PCDHGA7: variants seen among roughly 807,000 people sequenced by gnomAD.
PCDHGA7 encodes the protein protocadherin gamma subfamily A, 7.
Under a neutral mutation model 58.3 loss-of-function variants are expected in PCDHGA7, and 44 were observed. The ratio of observed to expected loss-of-function variants is 0.75; its 90% CI spans 0.59 to 0.97. The LOEUF (loss-of-function observed/expected upper bound fraction) is 0.97, where lower values mean the gene tolerates loss of function less well. PCDHGA7 is among the 50% of genes least tolerant of loss of function. The pLI is 0.00. For missense variants in PCDHGA7, 1,266 were observed against 1,188.7 expected, an observed-to-expected ratio of 1.06 and a Z score of -0.96; for synonymous variants, 516 against 504.2, an observed-to-expected ratio of 1.02 and a Z score of -0.31.
chr5:141,493,289 C>T lies in PCDHGA7; in HGVS notation c.2425-1518C>T, dbSNP rs925045650. 2.6e-5 allele frequency among the ~76,000 whole-genome samples: 4 copies of T among 152,176 alleles called. No individual in the cohort carries two copies. Among genetic ancestry groups the T allele is most frequent in the Non-Finnish European group, 5.9e-5 (4 of 68,030 alleles). On this transcript the variant is annotated intron_variant, in intron 1 of 3. Coordinates refer to ENST00000518325, the MANE Select transcript of PCDHGA7 (RefSeq NM_018920.4). The surrounding 1 kb of genome is among the most constrained non-coding windows in gnomAD (Gnocchi z 4.3). ...CTTCACAGAGGTCAAGTGACTTGCT[C>T]AAGTTCACAGAGCAAGTAAGAGAGA...
chr5:141,458,292 T>C (rs2098941901), intron 1 of PCDHGA7, among the ~76,000 whole-genome samples: 1 of 152,146 alleles, frequency 6.6e-6, no homozygotes, highest in Admixed American at 6.5e-5. Flanking sequence ...GTCCTCATGC[T>C]GGTTTAGATA....
chr5:141,430,997 C>T, intron 1 of PCDHGA7: 1 of 1,613,926 alleles, frequency 6.2e-7, no homozygotes, highest in Non-Finnish European at 8.5e-7. Context: ...CCTGAATCCG[C>T]GCAGCGGCAG....
intron 1 of PCDHGA7, among the ~76,000 whole-genome samples, chr5:141,458,102 A>G (rs1314999618): frequency 6.6e-6 from 1 of 152,246 alleles, no homozygotes; most frequent in Admixed American, 6.5e-5. Context: ...GTACTTACAG[A>G]TAGTCTCCAA....
Position 141,487,171 on chromosome 5 carries a change from G to C in PCDHGA7, c.2425-7636G>C. ...CTGTTACTCTCTTAGTGTCCTTAGA[G>C]GAAGACACTCATCCAGTTGTCCCAG... On this transcript the variant is annotated intron_variant, in intron 1 of 3. Transcript: ENST00000518325. The surrounding 1 kb of genome is among the most constrained non-coding windows in gnomAD (Gnocchi z 5.0). 1 of 1,612,938 alleles carries C rather than the reference G, an allele frequency of 6.2e-7. No individual in the cohort carries two copies. Among genetic ancestry groups the C allele is most frequent in the Non-Finnish European group, 8.5e-7 (1 of 1,178,910 alleles).
chr5:141,418,282 A>T (rs1209026046), intron 1 of PCDHGA7: 2 of 1,614,030 alleles, frequency 1.2e-6, no homozygotes, highest in Non-Finnish European at 1.7e-6. Flanking sequence ...TAAACTTAGA[A>T]ATCAGTGAAT....
chr5:141,471,630 G>T (rs2099261496), intron 1 of PCDHGA7: 1 of 152,108 alleles, frequency 6.6e-6, no homozygotes, highest in African/African-American at 2.4e-5. Context: ...GCATTGGTAT[G>T]GATTAGTAAT....
chr5:141,461,255 G>A (rs1466460215), intron 1 of PCDHGA7, among the ~76,000 whole-genome samples: 1 of 152,098 alleles, frequency 6.6e-6, no homozygotes. Flanking sequence ...ATTCCCAGCA[G>A]CAATGTGTAA....
At chr5:141,475,957 G>A (rs776101269) in intron 1 of PCDHGA7, 148 of 812,416 alleles carry the variant, frequency 1.8e-4, no homozygotes, top group Non-Finnish European at 2.6e-4. Flanking sequence ...CTGCGCCCCG[G>A]GATGAGGCAG....
In PCDHGA7 at chr5:141,414,114, T is replaced by C. The variant is rs145910780; in HGVS notation, c.2424+28791T>C. The C allele has an allele frequency of 2.0e-5, 32 of 1,592,348 alleles. 2 individuals carry two copies. In the East Asian group the frequency reaches 6.3e-4, roughly 32 times the overall value. ...TAAAAATATCAGAAAATCTAGATTA[T>C]GAAGAAACCGGTTTCTATGAAATAG... On this transcript the variant is annotated intron_variant, in intron 1 of 3. Coordinates refer to ENST00000518325, the MANE Select transcript of PCDHGA7 (RefSeq NM_018920.4).
At chr5:141,481,070 A>G (rs2099531062) in intron 1 of PCDHGA7, among the ~76,000 whole-genome samples, 1 of 152,144 alleles carries the variant, frequency 6.6e-6, no homozygotes, top group South Asian at 2.1e-4. Context: ...AAACAAAAAG[A>G]AAGAAAGAAA....
Position 141,490,345 on chromosome 5 carries a change from G to C in PCDHGA7, c.2425-4462G>C, listed in dbSNP as rs2099698831. On this transcript the variant is annotated intron_variant, in intron 1 of 3. Coordinates refer to ENST00000518325, the MANE Select transcript of PCDHGA7 (RefSeq NM_018920.4). This position sits in a 1 kb window ranked among gnomAD's most constrained non-coding sequence, Gnocchi z 5.4. ...AGAGAGCACACCAGTGGGCACAGTA[G>C]TGGGGTTGTTTAATGTGCGAGACCG... is the stretch of plus-strand genomic sequence containing the variant. 1 of 1,614,216 alleles carries C rather than the reference G, an allele frequency of 6.2e-7. No homozygotes were observed. Among genetic ancestry groups the C allele is most frequent in the Non-Finnish European group, 8.5e-7 (1 of 1,180,034 alleles).
chr5:141,495,973 A>C (rs2099764953), intron 2 of PCDHGA7, among the ~76,000 whole-genome samples: 1 of 146,988 alleles, frequency 6.8e-6, no homozygotes, highest in African/African-American at 2.5e-5. Context: ...TTTCTCTGTT[A>C]CTCTTTCTTT....
At chr5:141,409,201 AATC>A (rs1377420843) in intron 1 of PCDHGA7, 1 of 1,614,044 alleles carries the variant, frequency 6.2e-7, no homozygotes, top group Non-Finnish European at 8.5e-7. Context: ...AGTGTAAAGT[AATC>A]ATAGAAATCC....
At chr5:141,411,955 A>G (rs1427605209) in intron 1 of PCDHGA7, 2 of 152,244 alleles carry the variant, frequency 1.3e-5, no homozygotes, top group Admixed American at 6.5e-5. Context: ...TTTGAAGAAA[A>G]AAGATAAAAT....
At chr5:141,419,808 G>A in intron 1 of PCDHGA7, 2 of 1,614,066 alleles carry the variant, frequency 1.2e-6, no homozygotes, top group Non-Finnish European at 8.5e-7. Flanking sequence ...AGAGATGGAG[G>A]ACAGCCACCC....
intron 1 of PCDHGA7, chr5:141,392,933 C>A: frequency 6.2e-7 from 1 of 1,613,930 alleles, no homozygotes; most frequent in Non-Finnish European, 8.5e-7. Flanking sequence ...AAGAGACGGA[C>A]AAAGGCTCCT....
chr5:141,459,506 A>G (rs1156362858), intron 1 of PCDHGA7, among the ~76,000 whole-genome samples: 1 of 152,236 alleles, frequency 6.6e-6, no homozygotes, highest in East Asian at 1.9e-4. Flanking sequence ...GATGTGAACA[A>G]TCATGTACAA....
chr5:141,430,632 C>T, intron 1 of PCDHGA7: 1 of 852,604 alleles, frequency 1.2e-6, no homozygotes, highest in Non-Finnish European at 1.7e-6. Flanking sequence ...AATGAACCAT[C>T]CCTGGGAGTA....
chr5:141,494,431 T>C (rs1403792155), intron 1 of PCDHGA7, among the ~76,000 whole-genome samples: 1 of 152,158 alleles, frequency 6.6e-6, no homozygotes, highest in Non-Finnish European at 1.5e-5. Context: ...TTGAAAAGCC[T>C]CCTTTGCCAC....
Sources: allele counts gnomAD v4.1 joint callset (sites outside exome capture counted in the v4.1 genomes callset), GRCh38; gene constraint gnomAD v4.1.1; non-coding constraint Gnocchi (gnomAD v3.1); transcripts MANE v1.5; gene names NCBI Gene and HGNC (gene_info 2026-07-23, HGNC 2026-07-21).